The following BCR variants were observed in gnomAD, a reference collection of about 807,000 sequenced individuals.
The protein encoded by BCR is breakpoint cluster region protein.
In BCR, 58 loss-of-function variants were observed where a neutral mutation model predicts 138.6. The ratio of observed to expected loss-of-function variants is 0.42; its 90% CI spans 0.34 to 0.52. The LOEUF (loss-of-function observed/expected upper bound fraction) is 0.52. Among genes scored for constraint, BCR ranks in the 20% least tolerant of loss-of-function variants. BCR has a pLI of 0.06. For synonymous variants in BCR, 786 were observed against 730.1 expected, an observed-to-expected ratio of 1.08 and a Z score of -1.23; for missense variants, 1,599 against 1,727.2, an observed-to-expected ratio of 0.93 and a Z score of 1.32.
At position 23,314,880 on chromosome 22, in the gene BCR, G is replaced by A. The variant is rs144692970; in HGVS notation, c.3726+166G>A. 8.9e-3 allele frequency among the ~76,000 whole-genome samples: 1,349 copies of A among 152,350 alleles called. 19 individuals carry two copies. The highest frequency in any genetic ancestry group is 0.031 in the African/African-American group (1,292 of 41,568). ...TCTGCATGGATGGGAGTGATAGTGG[G>A]GGCCCAGGCCACCTCCTGGTCCTGC... is the stretch of plus-strand genomic sequence containing the variant. On this transcript the variant is annotated intron_variant, in intron 22 of 22. Transcript: ENST00000305877.
chr22:23,248,917 A>G (rs2073188747), intron 1 of BCR, among the ~76,000 whole-genome samples: 2 of 152,200 alleles, frequency 1.3e-5, no homozygotes, highest in Non-Finnish European at 2.9e-5. Context: ...GGCAGGAGCC[A>G]GGCCTCCCAA....
At chr22:23,254,064 G>A in intron 2 of BCR, 84 bp downstream of exon 2, 2 of 1,436,464 alleles carry the variant, frequency 1.4e-6, no homozygotes, top group East Asian at 4.9e-5. Context: ...TATGTAGCAG[G>A]TAGGTGGTGG....
At chr22:23,249,609 G>T (rs1398558482) in intron 1 of BCR, among the ~76,000 whole-genome samples, 2 of 151,946 alleles carry the variant, frequency 1.3e-5, no homozygotes, top group African/African-American at 2.4e-5. Context: ...CGGGTGGGGG[G>T]TGGTGCTTTG....
chr22:23,220,737 C>T (rs949543849), intron 1 of BCR, among the ~76,000 whole-genome samples: 3 of 152,172 alleles, frequency 2.0e-5, no homozygotes, highest in African/African-American at 4.8e-5. Flanking sequence ...TCTCTGGACC[C>T]GCATTCCCAT....
At chr22:23,220,382 T>G (rs1445789764) in intron 1 of BCR, among the ~76,000 whole-genome samples, 2 of 152,186 alleles carry the variant, frequency 1.3e-5, no homozygotes, top group African/African-American at 2.4e-5. Context: ...ATGGCCTCTG[T>G]GTCTGCCACC....
Position 23,296,333 on chromosome 22 carries a change from C to G in BCR, c.3012+1178C>G, listed in dbSNP as rs570842084. ...AGCTTGCAATGAGTCAAGATCACAC[C>G]GCTGATCTCTAGCCTGGGTGACAGA... On this transcript the variant is annotated intron_variant, in intron 16 of 22. Coordinates refer to ENST00000305877, the MANE Select transcript of BCR (RefSeq NM_004327.4). Among the ~76,000 whole-genome samples, 3 of 145,404 alleles carry G rather than the reference C, an allele frequency of 2.1e-5. No individual in the cohort carries two copies. In the East Asian group the frequency reaches 6.1e-4, roughly 30 times the overall value.
intron 1 of BCR, among the ~76,000 whole-genome samples, chr22:23,228,815 A>G (rs2072921267): frequency 6.6e-6 from 1 of 151,720 alleles, no homozygotes; most frequent in Non-Finnish European, 1.5e-5. Flanking sequence ...CTGTGCTTTT[A>G]TTATGATATG....
rs754717391 is a variant in BCR at position 23,292,616 on chromosome 22, C to G, written c.2858C>G (p.Thr953Arg). ...NKAKTRVYRD[T>R]AEPNWNEEFE... is the part of the protein sequence containing the mutation. ...GCAAAGACGCGCGTCTACAGGGACACAGCTGAGCCAAACTGGAACGAGGTG... is the reference window on the plus strand; with the variant it reads ...GCAAAGACGCGCGTCTACAGGGACAGAGCTGAGCCAAACTGGAACGAGGTG... Residue 953 changes from threonine (T) to arginine (R), a missense_variant, in exon 15 of 23, where the codon ACA becomes AGA. Around this residue, in one of 4 missense-constraint regions of BCR, gnomAD observed 590 missense variants for 762.4 expected, o/e 0.77. Coordinates refer to ENST00000305877, the MANE Select transcript of BCR (RefSeq NM_004327.4). 6.2e-7 allele frequency: 1 copy of G among 1,612,426 alleles called. No homozygotes were observed. The highest frequency in any genetic ancestry group is 1.1e-5 in the South Asian group (1 of 90,946).
At chr22:23,212,892 G>T (rs2072702974) in intron 1 of BCR, among the ~76,000 whole-genome samples, 1 of 152,220 alleles carries the variant, frequency 6.6e-6, no homozygotes, top group African/African-American at 2.4e-5. Flanking sequence ...GAATTACTTG[G>T]TCATAAATCA....
In BCR at chr22:23,261,490, G is replaced by T. The variant is rs775046221; in HGVS notation, c.1702G>T (p.Val568Leu). The T allele has an allele frequency of 1.2e-6, 2 of 1,613,436 alleles. No individual in the cohort carries two copies. The highest frequency in any genetic ancestry group is 2.2e-5 in the South Asian group (2 of 91,078). Residue 568 changes from valine (V) to leucine (L), a missense_variant, in exon 4 of 23, where the codon GTG becomes TTG. Val to Leu is a conservative substitution (Grantham distance 32). Coordinates refer to ENST00000305877, the MANE Select transcript of BCR (RefSeq NM_004327.4). Reference protein sequence around the residue: ...KEFYDGLFPRVQQWSHQQRVG... With the variant: ...KEFYDGLFPRLQQWSHQQRVG... ...GTTCTATGATGGGCTCTTCCCCCGC[G>T]TGCAGCAGTGGAGCCACCAGCAGCG... is the stretch of plus-strand genomic sequence containing the variant.
chr22:23,280,260 C>T (rs185161145), intron 8 of BCR, among the ~76,000 whole-genome samples: 1 of 152,346 alleles, frequency 6.6e-6, no homozygotes, highest in Admixed American at 6.5e-5. Flanking sequence ...CTGGCAACAG[C>T]TGGAGGAGGC....
Position 23,292,391 on chromosome 22 carries a change from A to T in BCR, c.2783-150A>T, listed in dbSNP as rs1024966838. On this transcript the variant is annotated intron_variant, in intron 14 of 22. Transcript: ENST00000305877. ...GGTGCTGGTGTTCACGCCAGACCAC[A>T]ATTAGGTGTTTAATTTTTAAAAAGA... 1.4e-5 allele frequency: 8 copies of T among 588,654 alleles called. No individual in the cohort carries two copies. In the African/African-American group the frequency reaches 1.5e-4, roughly 11 times the overall value. 36.5% of individuals were successfully genotyped at this position (588,654 alleles called of 1,614,324 possible).
chr22:23,227,371 G>A (rs1217897049), intron 1 of BCR, among the ~76,000 whole-genome samples: 1 of 152,218 alleles, frequency 6.6e-6, no homozygotes, highest in African/African-American at 2.4e-5. Flanking sequence ...GAATTGCACA[G>A]CCCACGATCA....
intron 1 of BCR, among the ~76,000 whole-genome samples, chr22:23,183,084 A>C (rs907166924): frequency 3.3e-5 from 5 of 152,196 alleles, no homozygotes; most frequent in Non-Finnish European, 7.3e-5. Flanking sequence ...TGGGGCTCCC[A>C]ATCTGTGGTC....
intron 5 of BCR, among the ~76,000 whole-genome samples, chr22:23,268,834 A>G (rs1248549457): frequency 6.6e-6 from 1 of 152,240 alleles, no homozygotes; most frequent in Non-Finnish European, 1.5e-5. Flanking sequence ...TCTCTCCACA[A>G]GAGTCCTGAG....
At chr22:23,216,944 G>A in intron 1 of BCR, 1 of 385,058 alleles carries the variant, frequency 2.6e-6, no homozygotes, top group South Asian at 1.8e-5. Flanking sequence ...ACCGGATTCT[G>A]TTGGTACAGT....
intron 8 of BCR, among the ~76,000 whole-genome samples, chr22:23,282,438 G>A (rs528366501): frequency 3.9e-5 from 6 of 152,320 alleles, no homozygotes; most frequent in African/African-American, 1.4e-4. Flanking sequence ...GTTCCCCTTC[G>A]CAAGAGCCGG....
At chr22:23,230,225 C>T (rs1019329553) in intron 1 of BCR, among the ~76,000 whole-genome samples, 2 of 152,098 alleles carry the variant, frequency 1.3e-5, no homozygotes, top group Non-Finnish European at 2.9e-5. Context: ...TTTTGAGTCC[C>T]ATGATAGAGG....
At chr22:23,290,222 A>G in intron 13 of BCR, 117 bp from the exon 14 acceptor site, 1 of 1,023,128 alleles carries the variant, frequency 9.8e-7, no homozygotes, top group Non-Finnish European at 1.5e-6. Flanking sequence ...ACCTTGTGCC[A>G]GGCAGATGGC....
Sources: gnomAD v4.1 joint callset for allele counts (sites outside exome capture counted in the v4.1 genomes callset) on GRCh38, gnomAD v4.1.1 for gene constraint, gnomAD v4.1.1 regional missense constraint, MANE v1.5 for transcripts, NCBI Gene and HGNC (gene_info 2026-07-23, HGNC 2026-07-21) for gene names.